The following TFCP2L1 variants were observed in gnomAD, a reference collection of about 807,000 sequenced individuals.
TFCP2L1 encodes transcription factor CP2-like protein 1.
Under a neutral mutation model 72.2 loss-of-function variants are expected in TFCP2L1, and 12 were observed. The ratio of observed to expected loss-of-function variants is 0.17; its 90% CI spans 0.11 to 0.27. The LOEUF (loss-of-function observed/expected upper bound fraction) is 0.27. Among genes scored for constraint, TFCP2L1 ranks in the 10% least tolerant of loss-of-function variants. The pLI, the probability that TFCP2L1 is intolerant of heterozygous loss-of-function variation, is 1.00. For synonymous variants in TFCP2L1, 260 were observed against 251.0 expected, an observed-to-expected ratio of 1.04 and a Z score of -0.34; for missense variants, 488 against 624.6, an observed-to-expected ratio of 0.78 and a Z score of 2.33.
chr2:121,244,247 C>T (rs1225521032), intron 6 of TFCP2L1, among the ~76,000 whole-genome samples: 1 of 152,226 alleles, frequency 6.6e-6, no homozygotes, highest in Admixed American at 6.5e-5. Flanking sequence ...GTTGCTCAGA[C>T]AGGAGCCCTG....
chr2:121,234,209 G>T lies in TFCP2L1; in HGVS notation c.1095-15C>A, dbSNP rs766689829. 7.4e-6 allele frequency: 12 copies of T among 1,611,464 alleles called. No homozygotes were observed. In the South Asian group the frequency reaches 1.1e-4, roughly 15 times the overall value. ...GCCTCACATTCCTGGCAGGAGAAGA[G>T]AAAATAAATAATAGGTGTGGTGGAC... On this transcript the variant is annotated splice_polypyrimidine_tract_variant and intron_variant, in intron 11 of 14. Transcript: ENST00000263707.
At chr2:121,265,979 C>T (rs1686923128) in intron 2 of TFCP2L1, among the ~76,000 whole-genome samples, 1 of 151,586 alleles carries the variant, frequency 6.6e-6, no homozygotes, top group Admixed American at 6.6e-5. Flanking sequence ...GATTTTCCCA[C>T]CTCAGTCTCC....
intron 5 of TFCP2L1, among the ~76,000 whole-genome samples, chr2:121,247,863 A>G (rs1010138192): frequency 3.9e-5 from 6 of 152,232 alleles, no homozygotes; most frequent in African/African-American, 1.4e-4. Flanking sequence ...ACTATAATAG[A>G]AAAAATGTTT....
At chr2:121,284,501 G>A (rs1018786575) in intron 1 of TFCP2L1, among the ~76,000 whole-genome samples, 1 of 152,218 alleles carries the variant, frequency 6.6e-6, no homozygotes, top group Non-Finnish European at 1.5e-5. Context: ...CGCGGGCCTC[G>A]GGCGAACACG....
chr2:121,281,092 G>A (rs201670967), intron 2 of TFCP2L1, 28 bp downstream of exon 2: 22 of 1,613,462 alleles, frequency 1.4e-5, no homozygotes, highest in East Asian at 1.1e-4. Flanking sequence ...TCTGGGTTCC[G>A]CCCTGGCCCG....
In TFCP2L1 at chr2:121,223,144, C is replaced by G. The variant is rs1256007855; in HGVS notation, c.*1197G>C. The G allele has an allele frequency of 1.3e-5, 2 of 152,176 alleles. No individual in the cohort carries two copies. The highest frequency in any genetic ancestry group is 2.9e-5 in the Non-Finnish European group (2 of 68,054). 9.4% of individuals were successfully genotyped at this position (152,176 alleles called of 1,614,324 possible). On this transcript the variant is annotated 3_prime_UTR_variant, in exon 15 of 15. Transcript: ENST00000263707. ...AGCTATGACATCCCATTCAGGTGGT[C>G]AGAGGGTTCCCCATGAACCTAAATT...
chr2:121,246,426 T>C (rs1686482998), intron 6 of TFCP2L1, among the ~76,000 whole-genome samples: 2 of 152,084 alleles, frequency 1.3e-5, no homozygotes, highest in South Asian at 4.2e-4. Context: ...GGAGAGACTC[T>C]TGCTTTGATT....
rs974876629 is a variant in TFCP2L1 at position 121,251,692 on chromosome 2, A to G, written c.215-2045T>C. On this transcript the variant is annotated intron_variant, in intron 2 of 14. Transcript: ENST00000263707. ...GGCTATTTCAAGTGCTCCCTCTACA[A>G]AAAAATAATAAATGAGGTAATGCCT... 4.5e-4 allele frequency among the ~76,000 whole-genome samples: 69 copies of G among 152,192 alleles called. 1 individual carries two copies. Among genetic ancestry groups the G allele is most frequent in the African/African-American group, 1.5e-3 (64 of 41,450 alleles).
intron 7 of TFCP2L1, chr2:121,240,302 T>C: frequency 2.0e-6 from 2 of 985,284 alleles, no homozygotes; most frequent in Non-Finnish European, 2.4e-6. Context: ...CAAATGCATG[T>C]GGAGTCTCCC....
chr2:121,278,876 C>T (rs867082349), intron 2 of TFCP2L1, among the ~76,000 whole-genome samples: 4 of 149,794 alleles, frequency 2.7e-5, no homozygotes, highest in Middle Eastern at 3.5e-3. Context: ...TGGTAGCACA[C>T]GCCTGAAAAA....
At chr2:121,237,914 G>T in intron 8 of TFCP2L1, 64 bp from the exon 9 acceptor site, 1 of 1,567,582 alleles carries the variant, frequency 6.4e-7, no homozygotes, top group South Asian at 1.1e-5. Context: ...CCACGGTCCC[G>T]GCACCCAGCC....
rs933377861 is a variant in TFCP2L1 at position 121,285,138 on chromosome 2, G to T, written c.-29C>A. On this transcript the variant is annotated 5_prime_UTR_variant, in exon 1 of 15. Transcript: ENST00000263707. The stretch of plus-strand genomic sequence containing the variant: ...TGGAACTCCCAGCGCGCCGACCGGG[G>T]CGCGGCAGCAAGCGCAGACGCGGGG... 1 of 1,471,356 alleles carries T rather than the reference G, an allele frequency of 6.8e-7. No homozygotes were observed. Among genetic ancestry groups the T allele is most frequent in the African/African-American group, 1.4e-5 (1 of 69,082 alleles). The allele number at this position is 1,471,356 out of a possible 1,614,324, so 91.1% of individuals were successfully genotyped here.
chr2:121,247,464 T>C (rs1389319654), intron 5 of TFCP2L1, among the ~76,000 whole-genome samples: 1 of 151,888 alleles, frequency 6.6e-6, no homozygotes, highest in Non-Finnish European at 1.5e-5. Context: ...TGTATTGTTA[T>C]AATACTGCAA....
chr2:121,246,240 A>G (rs1392699408), intron 6 of TFCP2L1, among the ~76,000 whole-genome samples: 1 of 152,226 alleles, frequency 6.6e-6, no homozygotes, highest in African/African-American at 2.4e-5. Flanking sequence ...TACTATCTTC[A>G]GGAAATAATC....
At chr2:121,254,557 G>A (rs1390714880) in intron 2 of TFCP2L1, among the ~76,000 whole-genome samples, 1 of 152,190 alleles carries the variant, frequency 6.6e-6, no homozygotes, top group Middle Eastern at 3.2e-3. Flanking sequence ...TTGGCCTTTG[G>A]GAGGCCAAGG....
rs773997621 is a variant in TFCP2L1 at position 121,239,667 on chromosome 2, G to A, written c.769-18C>T. On this transcript the variant is annotated intron_variant, in intron 7 of 14. Coordinates refer to ENST00000263707, the MANE Select transcript of TFCP2L1 (RefSeq NM_014553.3). ...GGAGAGCACTGCAGGAGAGAGCACA[G>A]GGCGAGCTGGGATCTGGAGAGGCGC... 9.9e-6 allele frequency: 16 copies of A among 1,609,836 alleles called. No homozygotes were observed. Among genetic ancestry groups the A allele is most frequent in the Non-Finnish European group, 1.3e-5 (15 of 1,177,416 alleles).
intron 2 of TFCP2L1, among the ~76,000 whole-genome samples, chr2:121,254,138 CT>C (rs1387893179): frequency 6.6e-6 from 1 of 152,196 alleles, no homozygotes; most frequent in Admixed American, 6.5e-5. Flanking sequence ...CTGCTCATCA[CT>C]GCGCTGTCTG....
Position 121,239,459 on chromosome 2 carries a change from C to T in TFCP2L1, c.860+99G>A, listed in dbSNP as rs140428541. ...CAACACGAGTTAGCTACCCTGAAAC[C>T]CAAACAGAAAGGAGAGGAGACCCAG... On this transcript the variant is annotated intron_variant, in intron 8 of 14. Coordinates refer to ENST00000263707, the MANE Select transcript of TFCP2L1 (RefSeq NM_014553.3). The T allele has an allele frequency of 9.9e-4, 1,360 of 1,367,610 alleles. 12 individuals are homozygous for T. In the African/African-American group the frequency reaches 0.016, roughly 16 times the overall value. 84.7% of individuals were successfully genotyped at this position (1,367,610 alleles called of 1,614,324 possible). A position where few individuals can be genotyped will look rare whatever the true frequency, so the allele number is the denominator to read the frequency against.
chr2:121,265,111 T>C (rs1319460646), intron 2 of TFCP2L1, among the ~76,000 whole-genome samples: 1 of 152,326 alleles, frequency 6.6e-6, no homozygotes, highest in African/African-American at 2.4e-5. Flanking sequence ...TAAAACGTGG[T>C]ACATCCCACA....
Sources: allele counts gnomAD v4.1 joint callset (sites outside exome capture counted in the v4.1 genomes callset), GRCh38; gene constraint gnomAD v4.1.1; transcripts MANE v1.5; gene names NCBI Gene and HGNC (gene_info 2026-07-23, HGNC 2026-07-21).